The following PLEKHA5 variants were observed in gnomAD, a reference collection of about 807,000 sequenced individuals.
The protein encoded by PLEKHA5 is pleckstrin homology domain-containing family A member 5.
A neutral mutation model predicts 181.9 loss-of-function variants in PLEKHA5; 55 were observed. The ratio of observed to expected loss-of-function variants is 0.30; its 90% CI spans 0.24 to 0.38. The LOEUF (loss-of-function observed/expected upper bound fraction) is 0.38. PLEKHA5 is among the 10% of genes least tolerant of loss of function. The pLI, the probability that PLEKHA5 is intolerant of heterozygous loss-of-function variation, is 1.00. For synonymous variants in PLEKHA5, 535 were observed against 529.4 expected (o/e 1.01, Z -0.15); for missense variants, 1,432 against 1,549.5 (o/e 0.92, Z 1.27).
chr12:19,306,634 C>A, intron 15 of PLEKHA5: 5 of 1,140,864 alleles, frequency 4.4e-6, no homozygotes, highest in Non-Finnish European at 6.6e-6. Flanking sequence ...GTGGAGGCGG[C>A]GGCATCGAGG....
At chr12:19,312,614 A>G (rs1212835566) in intron 15 of PLEKHA5, among the ~76,000 whole-genome samples, 1 of 152,138 alleles carries the variant, frequency 6.6e-6, no homozygotes, top group East Asian at 1.9e-4. Flanking sequence ...CTCAACCTTC[A>G]TAGGATTGAA....
In PLEKHA5 at chr12:19,358,354, G is replaced by C. The variant is rs1264020350; in HGVS notation, c.3265G>C (p.Gly1089Arg). The change falls in exon 27 of 32, where the codon GGG becomes CGG. Residue 1089 changes from glycine (G) to arginine (R), a missense_variant. Transcript: ENST00000429027. ...QQACLREKKK[G>R]LNVIGASDQS... ...AGCGTGCCTGAGGGAGAAGAAAAAA[G>C]GGTTAAATGTTATCGGTGCTTCAGA... 6.2e-7 allele frequency: 1 copy of C among 1,613,874 alleles called. No individual in the cohort carries two copies. The highest frequency in any genetic ancestry group is 1.7e-5 in the Admixed American group (1 of 59,938).
chr12:19,249,075 G>A (rs1303764293), intron 3 of PLEKHA5, among the ~76,000 whole-genome samples: 3 of 152,188 alleles, frequency 2.0e-5, no homozygotes, highest in Non-Finnish European at 4.4e-5. Flanking sequence ...ATTCATGCCT[G>A]TAATCCCAGC....
chr12:19,221,736 C>G (rs763178518), intron 3 of PLEKHA5, among the ~76,000 whole-genome samples: 58 of 152,202 alleles, frequency 3.8e-4, no homozygotes, highest in Non-Finnish European at 7.2e-4. Context: ...AAAAAAGGTG[C>G]TCACCTAATT....
At chr12:19,334,681 A>C (rs2093180920) in intron 20 of PLEKHA5, among the ~76,000 whole-genome samples, 1 of 150,844 alleles carries the variant, frequency 6.6e-6, no homozygotes, top group African/African-American at 2.4e-5. Context: ...ATATTTATTC[A>C]TGTAAAAAGA....
At chr12:19,320,152 T>A in intron 17 of PLEKHA5, 96 bp downstream of exon 17, 1 of 480,820 alleles carries the variant, frequency 2.1e-6, no homozygotes, top group Non-Finnish European at 3.6e-6. Context: ...CAGTGTGTGT[T>A]TATGTATATA....
Position 19,359,441 on chromosome 12 carries a change from C to G in PLEKHA5, c.3378C>G (p.Asp1126Glu). 1 of 1,613,400 alleles carries G rather than the reference C, an allele frequency of 6.2e-7. No homozygotes were observed. Residue 1126 changes from aspartate (D) to glutamate (E), a missense_variant, in exon 28 of 32, where the codon GAC becomes GAG. Asp to Glu is a conservative substitution (Grantham distance 45). Transcript: ENST00000429027. ...GAAGGAGGGATGATAAGGAACTGGA[C>G]ACTGCCATTAGAGAAAATGATGTAA... ...QTRRRDDKEL[D>E]TAIRENDVKP...
intron 15 of PLEKHA5, among the ~76,000 whole-genome samples, chr12:19,296,261 G>T (rs1592361796): frequency 6.7e-6 from 1 of 148,714 alleles, no homozygotes; most frequent in African/African-American, 2.5e-5. Context: ...AAATTACTCA[G>T]TGTGGCCAGG....
chr12:19,224,790 T>C lies in PLEKHA5; in HGVS notation c.228-29150T>C, dbSNP rs2059458677. 2.0e-5 allele frequency among the ~76,000 whole-genome samples: 3 copies of C among 152,186 alleles called. No individual in the cohort carries two copies. The South Asian group carries it at 6.2e-4, about 31-fold the overall frequency. ...TCAAAAGTATATGGCTTTAAATATATAGATACAGTATACACGTTCTAAAAG... is the reference window on the plus strand; with the variant it reads ...TCAAAAGTATATGGCTTTAAATATACAGATACAGTATACACGTTCTAAAAG... On this transcript the variant is annotated intron_variant, in intron 3 of 31. Transcript: ENST00000429027.
chr12:19,340,143 T>A (rs796562521), intron 21 of PLEKHA5, among the ~76,000 whole-genome samples: 4 of 152,292 alleles, frequency 2.6e-5, no homozygotes, highest in African/African-American at 9.6e-5. Context: ...TGGGAGGATG[T>A]ATGTTTTACC....
At chr12:19,276,912 AC>A (rs1300350676) in intron 11 of PLEKHA5, among the ~76,000 whole-genome samples, 1 of 152,206 alleles carries the variant, frequency 6.6e-6, no homozygotes, top group Admixed American at 6.5e-5. Flanking sequence ...TAAAAAGGAA[AC>A]TGGCAGATGC....
chr12:19,306,691 ACT>A lies in PLEKHA5; in HGVS notation c.2038-8118_2038-8117del, dbSNP rs1195532745. The A allele has an allele frequency of 2.5e-5, 37 of 1,469,610 alleles. No homozygotes were observed. In the South Asian group the frequency reaches 2.9e-4, roughly 11 times the overall value. The allele number at this position is 1,469,610 out of a possible 1,614,324, so 91.0% of individuals were successfully genotyped here. On this transcript the variant is annotated intron_variant, in intron 15 of 31. Transcript: ENST00000429027. The stretch of plus-strand genomic sequence containing the variant: ...GGGCGCTAGCTCTGAGCAGATGCGG[ACT>A]CTCTTCGGTTTCCTAGGCAAGATCG...
chr12:19,306,340 G>C (rs1196390986), intron 15 of PLEKHA5: 2 of 427,140 alleles, frequency 4.7e-6, no homozygotes, highest in African/African-American at 2.0e-5. Flanking sequence ...GGGGGTGGCC[G>C]TTTGTTTTCT....
intron 21 of PLEKHA5, 25 bp from the exon 22 acceptor site, chr12:19,343,298 A>T (rs775456842): frequency 2.2e-6 from 3 of 1,389,700 alleles, no homozygotes; most frequent in Admixed American, 3.4e-5. Flanking sequence ...TTTCTTATAT[A>T]TGGTCTATCC....
At chr12:19,244,877 CA>C (rs1166408582) in intron 3 of PLEKHA5, among the ~76,000 whole-genome samples, 1 of 152,020 alleles carries the variant, frequency 6.6e-6, no homozygotes, top group Admixed American at 6.6e-5. Flanking sequence ...ATGTTAATAG[CA>C]ATTTCAATAT....
intron 15 of PLEKHA5, among the ~76,000 whole-genome samples, chr12:19,313,859 CATTAT>C (rs1257474966): frequency 2.6e-5 from 4 of 151,962 alleles, no homozygotes; most frequent in Admixed American, 1.3e-4. Context: ...TTTTTTCTTA[CATTAT>C]ATTAATAAAT....
At chr12:19,225,868 T>G in intron 3 of PLEKHA5, among the ~76,000 whole-genome samples, 1 of 152,192 alleles carries the variant, frequency 6.6e-6, no homozygotes, top group Non-Finnish European at 1.5e-5. Flanking sequence ...CATCCCAGGA[T>G]ATATTCAGTT....
At chr12:19,195,769 G>GATAT (rs148896450) in intron 3 of PLEKHA5, among the ~76,000 whole-genome samples, 4 of 148,972 alleles carry the variant, frequency 2.7e-5, no homozygotes. Flanking sequence ...ATATCTATGA[G>GATAT]ATATATATAT....
intron 3 of PLEKHA5, among the ~76,000 whole-genome samples, chr12:19,213,102 A>C (rs2057291402): frequency 6.6e-6 from 1 of 152,136 alleles, no homozygotes; most frequent in African/African-American, 2.4e-5. Flanking sequence ...CAGGTGACCT[A>C]AATCTTCAAA....
Sources: gnomAD v4.1 joint callset for allele counts (sites outside exome capture counted in the v4.1 genomes callset) on GRCh38, gnomAD v4.1.1 for gene constraint, MANE v1.5 for transcripts, NCBI Gene and HGNC (gene_info 2026-07-23, HGNC 2026-07-21) for gene names.